Variants in STRIP1 observed in about 807,000 individuals in gnomAD.
STRIP1 encodes the protein striatin interacting protein 1, also known as striatin-interacting protein 1.
In STRIP1, 63 loss-of-function variants were observed where a neutral mutation model predicts 106.2. That is an observed-to-expected ratio of 0.59 (90% confidence interval 0.48 to 0.73). The LOEUF is 0.73. Ranked by LOEUF, STRIP1 falls within the 30% of genes least tolerant of loss-of-function variation. The probability of loss-of-function intolerance (pLI) is 0.00; values close to 1 mark genes in which losing one functional copy is unlikely to be tolerated. For synonymous variants in STRIP1, 390 were observed against 413.0 expected (o/e 0.94, Z 0.67); for missense variants, 857 against 1,074.8 (o/e 0.80, Z 2.83).
intron 6 of STRIP1, 68 bp downstream of exon 6, chr1:110,040,771 G>A (rs1652724048): frequency 3.6e-6 from 5 of 1,371,196 alleles, no homozygotes; most frequent in Non-Finnish European, 3.0e-6. Context: ...GGGTGTGGGA[G>A]GCTGTCTGTG....
At position 110,053,965 on chromosome 1, in the gene STRIP1, G is replaced by T; in HGVS notation, c.*53G>T. ...GAGAAAAGATGATCTGAAGGTACCT[G>T]TGGGACTGTCCTAGTTCATTGCTGC... On this transcript the variant is annotated 3_prime_UTR_variant, in exon 21 of 21. Transcript: ENST00000369795. 6.2e-7 allele frequency: 1 copy of T among 1,601,610 alleles called. No homozygotes were observed. The highest frequency in any genetic ancestry group is 8.5e-7 in the Non-Finnish European group (1 of 1,173,716).
At chr1:110,039,920 C>A (rs926766972) in intron 5 of STRIP1, 2 of 1,292,648 alleles carry the variant, frequency 1.5e-6, no homozygotes, top group Non-Finnish European at 2.0e-6. Context: ...GCCTGTGTCA[C>A]CTTTGTCCAG....
chr1:110,051,325 G>C (rs892835663), intron 19 of STRIP1, among the ~76,000 whole-genome samples: 1 of 152,176 alleles, frequency 6.6e-6, no homozygotes, highest in Non-Finnish European at 1.5e-5. Context: ...ACATAATCAG[G>C]GTTCTGAGAA....
chr1:110,049,910 C>T (rs1653211652), intron 17 of STRIP1: 2 of 313,078 alleles, frequency 6.4e-6, no homozygotes, highest in African/African-American at 2.2e-5. Context: ...CCTTGTAATG[C>T]CCTATCTGCT....
rs1028834019 is a variant in STRIP1, at chr1:110,043,025, A to G, written c.886-63A>G. ...TCATGAATGTTTCTGAGCCTGACAC[A>G]ATGGTCAGGGGCCAGCCTGTGGACA... is the stretch of plus-strand genomic sequence containing the variant. On this transcript the variant is annotated intron_variant, in intron 8 of 20. Transcript: ENST00000369795. The G allele has an allele frequency of 4.1e-6, 6 of 1,480,000 alleles. No individual in the cohort carries two copies. The Middle Eastern group carries it at 7.4e-4, about 182-fold the overall frequency. The allele number at this position is 1,480,000 out of a possible 1,614,324, so 91.7% of individuals were successfully genotyped here.
intron 10 of STRIP1, among the ~76,000 whole-genome samples, 157 bp downstream of exon 10, chr1:110,044,013 T>G (rs1383624908): frequency 6.6e-6 from 1 of 152,252 alleles, no homozygotes; most frequent in Non-Finnish European, 1.5e-5. Context: ...TGTGCTGTCC[T>G]GAGGGTCTCA....
chr1:110,038,847 C>A, intron 3 of STRIP1, 90 bp downstream of exon 3: 1 of 1,175,586 alleles, frequency 8.5e-7, no homozygotes, highest in Non-Finnish European at 1.2e-6. Context: ...CCTGAGTCAT[C>A]CTGGAACAGC....
At chr1:110,044,330 A>G (rs1464756673) in intron 10 of STRIP1, among the ~76,000 whole-genome samples, 2 of 152,234 alleles carry the variant, frequency 1.3e-5, no homozygotes, top group Non-Finnish European at 2.9e-5. Flanking sequence ...CAGCAGCTTA[A>G]GAAATAGATG....
Position 110,054,087 on chromosome 1 carries a change from TC to T in STRIP1, c.*178del. The T allele has an allele frequency of 3.0e-6, 2 of 674,530 alleles. No homozygotes were observed. Among genetic ancestry groups the T allele is most frequent in the South Asian group, 1.9e-5 (1 of 53,104 alleles). 41.8% of individuals were successfully genotyped at this position (674,530 alleles called of 1,614,324 possible). A position where few individuals can be genotyped will look rare whatever the true frequency, so the allele number is the denominator to read the frequency against. ...GAGCCCAGCTTGACCTCCCCTTGGT[TC>T]CCAGGGTCCTGCTCCGAAGCAGTCA... On this transcript the variant is annotated 3_prime_UTR_variant, in exon 21 of 21. Coordinates refer to ENST00000369795, the MANE Select transcript of STRIP1 (RefSeq NM_033088.4).
rs1653407622 is a variant in STRIP1, at chr1:110,053,728, G to A, written c.2330G>A (p.Arg777His). 6.8e-6 allele frequency: 11 copies of A among 1,613,958 alleles called. No individual in the cohort carries two copies. Among genetic ancestry groups the A allele is most frequent in the African/African-American group, 4.0e-5 (3 of 74,888 alleles). ...EECALRANIE[R>H]FNARRYDRAH... ...TGTGCCCTTCGTGCCAACATTGAAC[G>A]CTTCAACGCCCGGCGCTATGACCGG... The change falls in exon 21 of 21, where the codon CGC (arginine) becomes CAC (histidine). Residue 777 changes from arginine to histidine, a missense_variant. Coordinates refer to ENST00000369795, the MANE Select transcript of STRIP1 (RefSeq NM_033088.4).
chr1:110,034,984 C>A (rs1652371713), intron 1 of STRIP1, among the ~76,000 whole-genome samples, 167 bp downstream of exon 1: 1 of 152,218 alleles, frequency 6.6e-6, no homozygotes, highest in Non-Finnish European at 1.5e-5. Flanking sequence ...CTGGCAGCTC[C>A]TGGGGTCTGG....
In STRIP1 at chr1:110,037,992, T is replaced by C. The variant is rs539441166; in HGVS notation, c.250+32T>C. On this transcript the variant is annotated intron_variant, in intron 2 of 20. Transcript: ENST00000369795. ...CACAGACCTTTGTGTTATTTGGGGG[T>C]GGTTTTTTCCTTATTGGTCTTTAAT... The C allele has an allele frequency of 4.7e-6, 7 of 1,503,228 alleles. No individual in the cohort carries two copies. In the East Asian group the frequency reaches 1.4e-4, roughly 29 times the overall value. 93.1% of individuals were successfully genotyped at this position (1,503,228 alleles called of 1,614,324 possible).
chr1:110,050,328 C>T lies in STRIP1; in HGVS notation c.1890-15C>T. On this transcript the variant is annotated splice_polypyrimidine_tract_variant and intron_variant, in intron 17 of 20. Coordinates refer to ENST00000369795, the MANE Select transcript of STRIP1 (RefSeq NM_033088.4). ...TTTGCTCATGGTGGGCATCTGGTTC[C>T]TCTCCCCTCTGCAGCATTTCTGTCC... The T allele has an allele frequency of 6.2e-7, 1 of 1,614,110 alleles. No individual in the cohort carries two copies. The highest frequency in any genetic ancestry group is 8.5e-7 in the Non-Finnish European group (1 of 1,179,944).
intron 12 of STRIP1, among the ~76,000 whole-genome samples, chr1:110,045,980 C>G (rs1274325083): frequency 6.6e-6 from 1 of 152,212 alleles, no homozygotes; most frequent in African/African-American, 2.4e-5. Context: ...TCTCCCCTAA[C>G]AGCTATCTGG....
chr1:110,041,329 C>G, intron 6 of STRIP1: 2 of 516,188 alleles, frequency 3.9e-6, no homozygotes, highest in South Asian at 2.2e-5. Flanking sequence ...CTGCTTTGAC[C>G]CTACAGCTCG....
chr1:110,047,148 C>CA (rs1363646254), intron 13 of STRIP1, among the ~76,000 whole-genome samples: 1 of 152,156 alleles, frequency 6.6e-6, no homozygotes, highest in Non-Finnish European at 1.5e-5. Flanking sequence ...GCCCTGCCCT[C>CA]AAAGAGCTCC....
At chr1:110,037,772 G>GA (rs1652530161) in intron 1 of STRIP1, 119 bp from the exon 2 acceptor site, 2 of 685,940 alleles carry the variant, frequency 2.9e-6, no homozygotes, top group East Asian at 2.8e-5. Context: ...AACAAAATGT[G>GA]AAAAAACATA....
intron 9 of STRIP1, 90 bp from the exon 10 acceptor site, chr1:110,043,549 A>G (rs1240659235): frequency 8.5e-7 from 1 of 1,174,314 alleles, no homozygotes; most frequent in Non-Finnish European, 1.2e-6. Context: ...CCTCTACTGG[A>G]CACCTGTATG....
At chr1:110,037,600 T>C (rs1652519451) in intron 1 of STRIP1, among the ~76,000 whole-genome samples, 2 of 152,260 alleles carry the variant, frequency 1.3e-5, no homozygotes, top group South Asian at 4.1e-4. Context: ...CCAGGTACCA[T>C]GCTGGACCTT....
Sources: allele counts gnomAD v4.1 joint callset (sites outside exome capture counted in the v4.1 genomes callset), GRCh38; gene constraint gnomAD v4.1.1; transcripts MANE v1.5; gene names NCBI Gene and HGNC (gene_info 2026-07-23, HGNC 2026-07-21).